SIK3: variants seen among roughly 807,000 people sequenced by gnomAD.
SIK3 encodes the protein SIK family kinase 3.
In SIK3, 28 loss-of-function variants were observed where a neutral mutation model predicts 144.2. The observed-to-expected ratio is 0.19, with a 90% CI of 0.14 to 0.27. The LOEUF (loss-of-function observed/expected upper bound fraction) is 0.27. Among genes scored for constraint, SIK3 ranks in the 10% least tolerant of loss-of-function variants. SIK3 has a pLI of 1.00. For missense variants in SIK3, 1,319 were observed against 1,776.0 expected, an observed-to-expected ratio of 0.74 and a Z score of 4.62; for synonymous variants, 686 against 676.3, an observed-to-expected ratio of 1.01 and a Z score of -0.22.
intron 1 of SIK3, among the ~76,000 whole-genome samples, chr11:116,990,485 G>A (rs1437938372): frequency 1.3e-5 from 2 of 152,126 alleles, no homozygotes; most frequent in Non-Finnish European, 2.9e-5. Flanking sequence ...CTCAGAATAC[G>A]TGGTCTAATA....
rs530704245 is a variant in SIK3 at position 116,846,429 on chromosome 11, T to C, written c.4077A>G (p.Glu1359=). ...TDILLSYKHP[E]VSFSMEQAGV ...CTGCCTGCTCCATGCTGAAGGAGAC[T>C]TCGGGGTGCTTGTAGCTGAGCAGAA... is the stretch of plus-strand genomic sequence containing the variant. Residue 1359 remains glutamate (E), a synonymous_variant, in exon 24 of 25, where the codon GAA becomes GAG. Transcript: ENST00000445177. This position sits in a 1 kb window ranked among gnomAD's most constrained non-coding sequence, Gnocchi z 4.1. The C allele has an allele frequency of 6.2e-7, 1 of 1,614,184 alleles. No homozygotes were observed. The highest frequency in any genetic ancestry group is 1.3e-5 in the African/African-American group (1 of 75,038).
Position 116,873,993 on chromosome 11 carries a change from A to G in SIK3, c.1491T>C (p.Ala497=). The G allele has an allele frequency of 1.2e-6, 2 of 1,614,098 alleles. No homozygotes were observed. The highest frequency in any genetic ancestry group is 1.7e-6 in the Non-Finnish European group (2 of 1,179,988). ...LPGFPGVNPQ[A]PFLQVAPNVN... ...CATTAGGGGCCACCTGCAGGAATGGAGCCTGGGGGTTGACTCCAGGAAAGC... is the reference window on the plus strand; with the variant it reads ...CATTAGGGGCCACCTGCAGGAATGGGGCCTGGGGGTTGACTCCAGGAAAGC... The change falls in exon 12 of 25, where the codon GCT becomes GCC. Residue 497 remains alanine, a synonymous_variant. Coordinates refer to ENST00000445177, the MANE Select transcript of SIK3 (RefSeq NM_001366686.3).
At chr11:117,040,036 CTT>C (rs1952671916) in intron 1 of SIK3, among the ~76,000 whole-genome samples, 1 of 152,198 alleles carries the variant, frequency 6.6e-6, no homozygotes, top group South Asian at 2.1e-4. Flanking sequence ...GCTAATTGTT[CTT>C]AGTCACTGAA....
chr11:117,031,497 T>TTTTATTTTAG (rs1179822016), intron 1 of SIK3, among the ~76,000 whole-genome samples: 1 of 149,212 alleles, frequency 6.7e-6, no homozygotes, highest in Non-Finnish European at 1.5e-5. Context: ...GAATACAGCA[T>TTTTATTTTAG]TTTATTTTAT....
chr11:116,942,431 G>A (rs1167025347), intron 3 of SIK3, among the ~76,000 whole-genome samples: 1 of 152,132 alleles, frequency 6.6e-6, no homozygotes, highest in African/African-American at 2.4e-5. Context: ...AAATGACAAA[G>A]TCTTTAATGG....
chr11:117,013,722 T>C (rs1382358445), intron 1 of SIK3, among the ~76,000 whole-genome samples: 2 of 151,774 alleles, frequency 1.3e-5, no homozygotes, highest in East Asian at 3.9e-4. Context: ...TCCAGTGCTA[T>C]CTACTCAGAC....
chr11:116,973,556 A>G (rs979100340), intron 1 of SIK3, among the ~76,000 whole-genome samples: 9 of 152,212 alleles, frequency 5.9e-5, no homozygotes, highest in African/African-American at 2.2e-4. Context: ...ATGCTATCAA[A>G]AGCATGTGCA....
At chr11:117,076,391 C>T (rs1424351534) in intron 1 of SIK3, among the ~76,000 whole-genome samples, 5 of 152,204 alleles carry the variant, frequency 3.3e-5, no homozygotes, top group Non-Finnish European at 4.4e-5. Context: ...CCCCTATTTA[C>T]AGAAGAGTAA....
chr11:116,923,650 A>T (rs962224610), intron 4 of SIK3, among the ~76,000 whole-genome samples: 1 of 152,216 alleles, frequency 6.6e-6, no homozygotes, highest in Non-Finnish European at 1.5e-5. Flanking sequence ...CAGGCCGCAA[A>T]ACTAGAGGTG....
intron 3 of SIK3, among the ~76,000 whole-genome samples, chr11:116,945,698 C>G (rs1948557203): frequency 6.6e-6 from 1 of 152,124 alleles, no homozygotes; most frequent in African/African-American, 2.4e-5. Flanking sequence ...TAAACAGGAT[C>G]AGTCCAATTG....
At chr11:116,926,874 A>C (rs1358123286) in intron 4 of SIK3, among the ~76,000 whole-genome samples, 1 of 152,120 alleles carries the variant, frequency 6.6e-6, no homozygotes, top group African/African-American at 2.4e-5. Flanking sequence ...TATAAAAATT[A>C]GCCAGGCGTG....
intron 6 of SIK3, among the ~76,000 whole-genome samples, chr11:116,887,437 C>T (rs1401697955): frequency 2.6e-5 from 4 of 151,634 alleles, no homozygotes; most frequent in African/African-American, 4.8e-5. Context: ...GCCAACATGA[C>T]GAGACCCCGT....
intron 11 of SIK3, 78 bp downstream of exon 11, chr11:116,875,080 T>C: frequency 9.1e-7 from 1 of 1,101,958 alleles, no homozygotes; most frequent in Non-Finnish European, 1.4e-6. Flanking sequence ...TAGTAGGAAA[T>C]GTGCCATGGT....
chr11:116,844,628 TAATATATTATATTA>T lies in SIK3; in HGVS notation c.*1001_*1014del, dbSNP rs1461817804. The stretch of plus-strand genomic sequence containing the variant: ...ATATATTATATATATAATATATATA[TAATATATTATATTA>T]TATATTATATATATAATATATATAT... On this transcript the variant is annotated 3_prime_UTR_variant, in exon 25 of 25. Transcript: ENST00000445177. 8.8e-5 allele frequency: 5 copies of T among 56,702 alleles called. No individual in the cohort carries two copies. The highest frequency in any genetic ancestry group is 2.8e-4 in the African/African-American group (4 of 14,464). 3.5% of individuals were successfully genotyped at this position (56,702 alleles called of 1,614,324 possible).
chr11:117,007,150 G>A (rs1951078482), intron 1 of SIK3, among the ~76,000 whole-genome samples: 1 of 152,226 alleles, frequency 6.6e-6, no homozygotes, highest in African/African-American at 2.4e-5. Context: ...GGCCGAGGCA[G>A]GTAGATCACC....
chr11:117,027,633 T>C (rs1952073769), intron 1 of SIK3, among the ~76,000 whole-genome samples: 1 of 152,020 alleles, frequency 6.6e-6, no homozygotes, highest in Admixed American at 6.6e-5. Context: ...CAGCTAACTT[T>C]TGTATTTTTT....
chr11:117,041,148 C>T (rs1188515153), intron 1 of SIK3, among the ~76,000 whole-genome samples: 1 of 151,830 alleles, frequency 6.6e-6, no homozygotes, highest in Non-Finnish European at 1.5e-5. Flanking sequence ...ATTCAGATCT[C>T]CAGAATATCA....
intron 18 of SIK3, among the ~76,000 whole-genome samples, 193 bp from the exon 19 acceptor site, chr11:116,861,576 A>G (rs1943331920): frequency 6.6e-6 from 1 of 152,208 alleles, no homozygotes; most frequent in Non-Finnish European, 1.5e-5. Context: ...AAAAGAACTC[A>G]GCCAAAATGG....
At chr11:117,066,850 T>G (rs1314970180) in intron 1 of SIK3, among the ~76,000 whole-genome samples, 1 of 152,164 alleles carries the variant, frequency 6.6e-6, no homozygotes, top group Non-Finnish European at 1.5e-5. Context: ...CCCATTTCTT[T>G]TAATGAGCAA....
Sources: allele counts gnomAD v4.1 joint callset (sites outside exome capture counted in the v4.1 genomes callset), GRCh38; gene constraint gnomAD v4.1.1; non-coding constraint Gnocchi (gnomAD v3.1); transcripts MANE v1.5; gene names NCBI Gene and HGNC (gene_info 2026-07-23, HGNC 2026-07-21).